COL23A1: variants seen among roughly 807,000 people sequenced by gnomAD.
COL23A1 encodes collagen alpha-1(XXIII) chain.
COL23A1 carries 97 observed loss-of-function variants against 99.3 expected under a neutral mutation model. That is an observed-to-expected ratio of 0.98 (90% CI 0.83 to 1.16). COL23A1 has a LOEUF of 1.16. Among genes scored for constraint, COL23A1 ranks in the 50% most tolerant of loss-of-function variants. The probability of loss-of-function intolerance (pLI) is 0.00; values close to 1 mark genes in which losing one functional copy is unlikely to be tolerated. For missense variants in COL23A1, 762 were observed against 757.4 expected, an observed-to-expected ratio of 1.01 and a Z score of -0.07; for synonymous variants, 320 against 308.2, an observed-to-expected ratio of 1.04 and a Z score of -0.40.
chr5:178,409,503 T>A (rs959189388), intron 2 of COL23A1, among the ~76,000 whole-genome samples: 5 of 152,146 alleles, frequency 3.3e-5, no homozygotes, highest in African/African-American at 9.6e-5. Flanking sequence ...TGTGTGTGTG[T>A]GATAAAATGG....
intron 2 of COL23A1, among the ~76,000 whole-genome samples, chr5:178,408,595 G>A (rs1362708215): frequency 6.6e-6 from 1 of 151,968 alleles, no homozygotes; most frequent in African/African-American, 2.4e-5. Context: ...AATTAAACTG[G>A]TATAGTCACC....
At chr5:178,277,100 T>A (rs1756629675) in intron 5 of COL23A1, among the ~76,000 whole-genome samples, 1 of 151,910 alleles carries the variant, frequency 6.6e-6, no homozygotes, top group Non-Finnish European at 1.5e-5. Context: ...GCATAACGGC[T>A]CATGCCCGTA....
chr5:178,522,200 G>A (rs187471102), intron 2 of COL23A1, among the ~76,000 whole-genome samples: 8 of 152,206 alleles, frequency 5.3e-5, no homozygotes, highest in Admixed American at 3.3e-4. Context: ...ACGTGTTTTC[G>A]GTTTATGAAA....
rs181484789 is a variant in COL23A1 at position 178,587,573 on chromosome 5, G to A, written c.294+2331C>T. ...AAGTTTGCTGTAGGACAAGCTGCCC[G>A]CACACTCACATACACGGAAAAGAGG... On this transcript the variant is annotated intron_variant, in intron 1 of 28. Transcript: ENST00000390654. Among the ~76,000 whole-genome samples the A allele has an allele frequency of 8.5e-5, 13 of 152,216 alleles. No homozygotes were observed. In the East Asian group the frequency reaches 1.7e-3, roughly 20 times the overall value.
intron 2 of COL23A1, among the ~76,000 whole-genome samples, chr5:178,390,300 T>G (rs1763898934): frequency 6.6e-6 from 1 of 152,246 alleles, no homozygotes; most frequent in Admixed American, 6.5e-5. Flanking sequence ...ATGTGGGATG[T>G]ACGGTCATTG....
intron 11 of COL23A1, among the ~76,000 whole-genome samples, chr5:178,260,985 C>T (rs1581473780): frequency 7.0e-6 from 1 of 143,464 alleles, no homozygotes; most frequent in East Asian, 2.1e-4. Flanking sequence ...ACGACGGCAT[C>T]TGGGTGATGG....
At chr5:178,302,554 G>C (rs1758133139) in intron 3 of COL23A1, among the ~76,000 whole-genome samples, 1 of 152,222 alleles carries the variant, frequency 6.6e-6, no homozygotes, top group African/African-American at 2.4e-5. Context: ...TTTCCTGCTT[G>C]AACAATCTCA....
intron 2 of COL23A1, among the ~76,000 whole-genome samples, chr5:178,363,856 C>A (rs1474596823): frequency 6.6e-6 from 1 of 152,230 alleles, no homozygotes; most frequent in Non-Finnish European, 1.5e-5. Flanking sequence ...ATTAGCAAGT[C>A]CTTTCCACAC....
chr5:178,266,514 C>A (rs1353393749), intron 8 of COL23A1, among the ~76,000 whole-genome samples: 1 of 152,046 alleles, frequency 6.6e-6, no homozygotes, highest in Non-Finnish European at 1.5e-5. Flanking sequence ...CTCAGGACTT[C>A]TAGTCTGTTG....
intron 2 of COL23A1, among the ~76,000 whole-genome samples, chr5:178,557,498 C>G (rs887068872): frequency 6.6e-6 from 1 of 152,132 alleles, no homozygotes; most frequent in African/African-American, 2.4e-5. Flanking sequence ...CTGGCTGGGG[C>G]GAGAGAGAAG....
chr5:178,420,198 C>CCA (rs1176155221), intron 2 of COL23A1, among the ~76,000 whole-genome samples: 2 of 152,154 alleles, frequency 1.3e-5, no homozygotes, highest in Non-Finnish European at 2.9e-5. Flanking sequence ...GGAAAGCATA[C>CCA]CACGCTCCTC....
chr5:178,463,483 C>T (rs1211774118), intron 2 of COL23A1, among the ~76,000 whole-genome samples: 1 of 152,104 alleles, frequency 6.6e-6, no homozygotes, highest in Non-Finnish European at 1.5e-5. Flanking sequence ...GCAGGAAAAA[C>T]CACAATAATC....
chr5:178,247,700 C>G, intron 21 of COL23A1, 75 bp downstream of exon 21: 1 of 1,551,838 alleles, frequency 6.4e-7, no homozygotes, highest in Non-Finnish European at 8.9e-7. Flanking sequence ...TGGGTCATGG[C>G]TCTGGGACCT....
In COL23A1 at chr5:178,238,665, C is replaced by G. The variant is rs545766417; in HGVS notation, c.*33G>C. 2 of 1,611,634 alleles carry G rather than the reference C, an allele frequency of 1.2e-6. No homozygotes were observed. The highest frequency in any genetic ancestry group is 1.7e-6 in the Non-Finnish European group (2 of 1,179,594). Reference sequence around the variant, plus strand: ...TTTACAAAAATTAAAAATGTCCACACGGATCTGTACAGGTGTGAGCTGGGC... The same window carrying G: ...TTTACAAAAATTAAAAATGTCCACAGGGATCTGTACAGGTGTGAGCTGGGC... On this transcript the variant is annotated 3_prime_UTR_variant, in exon 29 of 29. Coordinates refer to ENST00000390654, the MANE Select transcript of COL23A1 (RefSeq NM_173465.4).
intron 2 of COL23A1, among the ~76,000 whole-genome samples, chr5:178,514,844 T>C (rs968935213): frequency 5.3e-5 from 8 of 152,186 alleles, no homozygotes; most frequent in African/African-American, 1.9e-4. Context: ...CATCCACAAA[T>C]ACAAAGCACT....
At position 178,245,865 on chromosome 5, in the gene COL23A1, A is replaced by G. The variant is rs1764664644; in HGVS notation, c.1440+77T>C. The G allele has an allele frequency of 4.0e-6, 6 of 1,516,668 alleles. No individual in the cohort carries two copies. The South Asian group carries it at 6.8e-5, about 17-fold the overall frequency. 94.0% of individuals were successfully genotyped at this position (1,516,668 alleles called of 1,614,324 possible). Reference sequence around the variant, plus strand: ...GGAAAGGGGTCACACTTGAGTAGCCAGATCAGGTTACTGCATGAGGGCAGA... The same window carrying G: ...GGAAAGGGGTCACACTTGAGTAGCCGGATCAGGTTACTGCATGAGGGCAGA... On this transcript the variant is annotated intron_variant, in intron 25 of 28. Coordinates refer to ENST00000390654, the MANE Select transcript of COL23A1 (RefSeq NM_173465.4).
chr5:178,334,576 C>A (rs575124643), intron 2 of COL23A1, among the ~76,000 whole-genome samples: 22 of 152,304 alleles, frequency 1.4e-4, no homozygotes, highest in African/African-American at 2.2e-4. Context: ...TGTTACCTAG[C>A]GGCACCCATG....
chr5:178,442,758 C>A (rs938680132), intron 2 of COL23A1, among the ~76,000 whole-genome samples: 1 of 152,242 alleles, frequency 6.6e-6, no homozygotes, highest in Admixed American at 6.5e-5. Flanking sequence ...CAAGACCTGA[C>A]CTGCTGTACT....
At chr5:178,445,451 CA>C (rs1226846221) in intron 2 of COL23A1, among the ~76,000 whole-genome samples, 2 of 152,110 alleles carry the variant, frequency 1.3e-5, no homozygotes, top group African/African-American at 4.8e-5. Context: ...GCCATTTGTA[CA>C]TGTTTATTCT....
Sources: allele counts gnomAD v4.1 joint callset (sites outside exome capture counted in the v4.1 genomes callset), GRCh38; gene constraint gnomAD v4.1.1; transcripts MANE v1.5; gene names NCBI Gene and HGNC (gene_info 2026-07-23, HGNC 2026-07-21).